CREM: variants seen among roughly 807,000 people sequenced by gnomAD.
The protein encoded by CREM is cAMP-responsive element modulator.
A neutral mutation model predicts 37.3 loss-of-function variants in CREM; 13 were observed. That is an observed-to-expected ratio of 0.35 (90% CI 0.23 to 0.55). The LOEUF (loss-of-function observed/expected upper bound fraction) is 0.55, where lower values mean the gene tolerates loss of function less well. Among genes scored for constraint, CREM ranks in the 20% least tolerant of loss-of-function variants. CREM has a pLI of 0.88. For synonymous variants in CREM, 124 were observed against 120.2 expected (o/e 1.03, Z -0.21); for missense variants, 296 against 362.3 (o/e 0.82, Z 1.49).
chr10:35,153,751 A>C (rs916880506), intron 3 of CREM, among the ~76,000 whole-genome samples: 1 of 152,206 alleles, frequency 6.6e-6, no homozygotes, highest in Admixed American at 6.5e-5. Context: ...GATAGAAGGG[A>C]AAGATGAAAG....
At chr10:35,168,217 CA>C (rs768953137) in intron 3 of CREM, among the ~76,000 whole-genome samples, 4 of 152,218 alleles carry the variant, frequency 2.6e-5, no homozygotes, top group Non-Finnish European at 5.9e-5. Flanking sequence ...GTCCCACCAA[CA>C]GTGTAAAAGT....
At chr10:35,148,523 A>G (rs372937921) in intron 3 of CREM, 32 bp downstream of exon 3, 22 of 1,587,948 alleles carry the variant, frequency 1.4e-5, no homozygotes, top group Non-Finnish European at 1.6e-5. Context: ...TTGAAAGTCA[A>G]AATATATGGA....
chr10:35,191,163 A>G (rs1238887942), intron 6 of CREM, among the ~76,000 whole-genome samples: 1 of 150,740 alleles, frequency 6.6e-6, no homozygotes, highest in Non-Finnish European at 1.5e-5. Context: ...GATCTTGCAT[A>G]TTCTTTCTTT....
chr10:35,179,319 G>A (rs1414619968), intron 5 of CREM, 43 bp downstream of exon 5: 1 of 1,590,460 alleles, frequency 6.3e-7, no homozygotes, highest in Non-Finnish European at 8.6e-7. Context: ...CTAGCTTTAA[G>A]TCTTCTCTAG....
intron 3 of CREM, among the ~76,000 whole-genome samples, chr10:35,149,240 G>A (rs2092397218): frequency 6.6e-6 from 1 of 152,176 alleles, no homozygotes; most frequent in South Asian, 2.1e-4. Flanking sequence ...AGGCACAAAG[G>A]ATGAGTAGGA....
intron 3 of CREM, among the ~76,000 whole-genome samples, chr10:35,165,056 CAAAAAAA>C (rs60898349): frequency 1.2e-4 from 9 of 74,956 alleles, no homozygotes; most frequent in Admixed American, 1.1e-3. Context: ...GGCTCCATCT[CAAAAAAA>C]AAAAAAAAAA....
Position 35,157,631 on chromosome 10 carries a change from G to C in CREM, c.168+9140G>C, listed in dbSNP as rs1436137100. ...AGCCCAGGTTGCAGAGCCAGACCCTGTCTCAAAAAAAAAAAAAAAAAAAAA... is the reference window on the plus strand; with the variant it reads ...AGCCCAGGTTGCAGAGCCAGACCCTCTCTCAAAAAAAAAAAAAAAAAAAAA... On this transcript the variant is annotated intron_variant, in intron 3 of 7. Transcript: ENST00000685392. 4.5e-5 allele frequency among the ~76,000 whole-genome samples: 5 copies of C among 111,848 alleles called. No individual in the cohort carries two copies. In the East Asian group the frequency reaches 7.5e-4, roughly 17 times the overall value. The allele number at this position is 111,848 out of a possible 152,430, so 73.4% of individuals were successfully genotyped here.
At chr10:35,209,088 G>A (rs1272476038) in intron 7 of CREM, among the ~76,000 whole-genome samples, 6 of 152,132 alleles carry the variant, frequency 3.9e-5, no homozygotes, top group South Asian at 2.1e-4. Context: ...ATGGGCAACC[G>A]GGCAGTCTTT....
intron 6 of CREM, among the ~76,000 whole-genome samples, chr10:35,194,976 G>C (rs542326596): frequency 6.6e-6 from 1 of 151,974 alleles, no homozygotes; most frequent in East Asian, 1.9e-4. Flanking sequence ...TGAGAAACAA[G>C]AGCATTAAGA....
At chr10:35,162,378 A>G (rs544600985) in intron 3 of CREM, among the ~76,000 whole-genome samples, 39 of 152,296 alleles carry the variant, frequency 2.6e-4, no homozygotes, top group African/African-American at 8.7e-4. Flanking sequence ...GTTAAGGACA[A>G]TGTATTGTTG....
chr10:35,166,256 AAAAAC>A (rs1452670480), intron 3 of CREM, among the ~76,000 whole-genome samples: 1 of 137,806 alleles, frequency 7.3e-6, no homozygotes, highest in African/African-American at 2.5e-5. Flanking sequence ...ACACTATCTT[AAAAAC>A]AAAACAAAAA....
At chr10:35,163,841 A>C (rs1016353825) in intron 3 of CREM, among the ~76,000 whole-genome samples, 1 of 149,364 alleles carries the variant, frequency 6.7e-6, no homozygotes, top group Non-Finnish European at 1.5e-5. Context: ...AAAAACAAAC[A>C]AAAAAAAACA....
At chr10:35,171,520 G>T (rs1320235815) in intron 3 of CREM, among the ~76,000 whole-genome samples, 1 of 152,178 alleles carries the variant, frequency 6.6e-6, no homozygotes, top group African/African-American at 2.4e-5. Flanking sequence ...CTTGAAAGAT[G>T]ATTAAAGCAA....
At chr10:35,195,860 G>C in intron 6 of CREM, 1 of 580,350 alleles carries the variant, frequency 1.7e-6, no homozygotes, top group Non-Finnish European at 3.1e-6. Context: ...ATTGACGTCA[G>C]CTCCGAGTCA....
At chr10:35,189,508 A>T (rs187587099) in intron 6 of CREM, among the ~76,000 whole-genome samples, 1 of 151,156 alleles carries the variant, frequency 6.6e-6, no homozygotes, top group East Asian at 1.9e-4. Context: ...TTGTTTGTTT[A>T]TTTATTTATT....
intron 3 of CREM, chr10:35,175,730 T>C: frequency 6.2e-7 from 1 of 1,614,168 alleles, no homozygotes; most frequent in Non-Finnish European, 8.5e-7. Context: ...TAGTTTGTCA[T>C]TTCTCAGCAG....
rs147897653 is a variant in CREM, at chr10:35,179,294, C to T, written c.409+18C>T. The T allele has an allele frequency of 2.0e-4, 320 of 1,612,176 alleles. No individual in the cohort carries two copies. The highest frequency in any genetic ancestry group is 5.1e-4 in the East Asian group (23 of 44,842). On this transcript the variant is annotated intron_variant, in intron 5 of 7. Transcript: ENST00000685392. ...GCAATACAGTATGTATGCTGCAATT[C>T]GATATGATACAGTGCTAGCTTTAAG...
rs2095670744 is a variant in CREM, at chr10:35,212,021, A to T, written c.*623A>T. ...CTGTAAAAAATGTGTGTATTCTTAA[A>T]ATGCAATATTTGTAAGGCTTGTTCC... On this transcript the variant is annotated 3_prime_UTR_variant, in exon 8 of 8. Transcript: ENST00000685392. 1 of 433,332 alleles carries T rather than the reference A, an allele frequency of 2.3e-6. No individual in the cohort carries two copies. The highest frequency in any genetic ancestry group is 3.7e-5 in the East Asian group (1 of 27,282). The allele number at this position is 433,332 out of a possible 1,614,324, so 26.8% of individuals were successfully genotyped here.
At chr10:35,174,106 T>A (rs1313177854) in intron 3 of CREM, among the ~76,000 whole-genome samples, 1 of 152,148 alleles carries the variant, frequency 6.6e-6, no homozygotes, top group Non-Finnish European at 1.5e-5. Context: ...ACTCTGGGGG[T>A]AGGTGAGCTG....
Sources: gnomAD v4.1 joint callset for allele counts (sites outside exome capture counted in the v4.1 genomes callset) on GRCh38, gnomAD v4.1.1 for gene constraint, MANE v1.5 for transcripts, NCBI Gene and HGNC (gene_info 2026-07-23, HGNC 2026-07-21) for gene names.